The following PARD3B variants were observed in gnomAD, a reference collection of about 807,000 sequenced individuals.
The protein encoded by PARD3B is partitioning defective 3 homolog B.
A neutral mutation model predicts 130.2 loss-of-function variants in PARD3B; 103 were observed. That is an observed-to-expected ratio of 0.79 (90% CI 0.67 to 0.93). The LOEUF (loss-of-function observed/expected upper bound fraction) is 0.93, where lower values mean the gene tolerates loss of function less well. Among genes scored for constraint, PARD3B ranks in the 40% least tolerant of loss-of-function variants. PARD3B has a pLI of 0.00. For synonymous variants in PARD3B, 583 were observed against 553.2 expected, an observed-to-expected ratio of 1.05 and a Z score of -0.76; for missense variants, 1,609 against 1,499.2, an observed-to-expected ratio of 1.07 and a Z score of -1.21.
intron 2 of PARD3B, among the ~76,000 whole-genome samples, chr2:204,794,016 G>A (rs1398512088): frequency 1.3e-5 from 2 of 152,074 alleles, no homozygotes; most frequent in Non-Finnish European, 2.9e-5. Context: ...ATCTCAATAT[G>A]GATGTGTTCA....
In PARD3B at chr2:205,110,278, G is replaced by A. The variant is rs1021364804; in HGVS notation, c.594-3213G>A. 2.0e-5 allele frequency among the ~76,000 whole-genome samples: 3 copies of A among 152,204 alleles called. No homozygotes were observed. The South Asian group carries it at 6.2e-4, about 32-fold the overall frequency. On this transcript the variant is annotated intron_variant, in intron 5 of 22. Transcript: ENST00000406610. ...CTTCTATTGTATATTTTTCCCTCAA[G>A]CTTGAAGTCTTTCTTCTGGATGGAA... is the stretch of plus-strand genomic sequence containing the variant.
intron 21 of PARD3B, among the ~76,000 whole-genome samples, chr2:205,501,084 T>C (rs551999423): frequency 1.3e-5 from 2 of 152,296 alleles, no homozygotes; most frequent in South Asian, 4.1e-4. Flanking sequence ...TGATTCCCTC[T>C]AGTTCTTACA....
At chr2:205,179,773 A>C (rs2035685116) in intron 13 of PARD3B, among the ~76,000 whole-genome samples, 2 of 152,238 alleles carry the variant, frequency 1.3e-5, no homozygotes. Flanking sequence ...TAAATGGAAT[A>C]ATATCTCTGC....
chr2:205,411,536 A>C (rs769113102), intron 19 of PARD3B, among the ~76,000 whole-genome samples: 1 of 152,186 alleles, frequency 6.6e-6, no homozygotes, highest in Non-Finnish European at 1.5e-5. Flanking sequence ...TTTACGAAGC[A>C]CGCACTGGTT....
intron 19 of PARD3B, among the ~76,000 whole-genome samples, chr2:205,429,852 C>T (rs1180963789): frequency 6.6e-6 from 1 of 152,104 alleles, no homozygotes; most frequent in Non-Finnish European, 1.5e-5. Flanking sequence ...TTTCCAGAGG[C>T]TTTGAGAGAG....
At chr2:205,385,512 A>G (rs2045630659) in intron 18 of PARD3B, among the ~76,000 whole-genome samples, 1 of 152,158 alleles carries the variant, frequency 6.6e-6, no homozygotes, top group Non-Finnish European at 1.5e-5. Context: ...AAACACTGAT[A>G]ATCCGTATGT....
chr2:205,114,193 G>A (rs1387388047), intron 6 of PARD3B, among the ~76,000 whole-genome samples: 1 of 151,974 alleles, frequency 6.6e-6, no homozygotes, highest in African/African-American at 2.4e-5. Flanking sequence ...ATTGTAGATC[G>A]TATCAACACT....
intron 1 of PARD3B, among the ~76,000 whole-genome samples, chr2:204,602,160 C>T (rs1052846244): frequency 1.4e-4 from 21 of 151,994 alleles, no homozygotes; most frequent in African/African-American, 4.6e-4. Flanking sequence ...CTGTTTTGCA[C>T]AATGGAGCCA....
chr2:204,746,189 TTC>T (rs1166440311), intron 2 of PARD3B, among the ~76,000 whole-genome samples: 1 of 138,556 alleles, frequency 7.2e-6, no homozygotes, highest in Non-Finnish European at 1.5e-5. Context: ...TGACCAAGTG[TTC>T]TCATTGTTCA....
At chr2:204,779,606 G>A (rs1222288099) in intron 2 of PARD3B, among the ~76,000 whole-genome samples, 2 of 152,138 alleles carry the variant, frequency 1.3e-5, no homozygotes, top group Admixed American at 1.3e-4. Context: ...GTAATAACAT[G>A]GCTGGTAATC....
intron 2 of PARD3B, among the ~76,000 whole-genome samples, chr2:204,741,399 C>T (rs910653946): frequency 6.6e-5 from 10 of 152,086 alleles, no homozygotes; most frequent in African/African-American, 2.4e-4. Context: ...GACTTCATTT[C>T]CCCAAATCTT....
At chr2:205,049,425 A>G (rs1040817624) in intron 4 of PARD3B, among the ~76,000 whole-genome samples, 8 of 152,250 alleles carry the variant, frequency 5.3e-5, no homozygotes, top group African/African-American at 1.9e-4. Context: ...GCATGGGGGA[A>G]CTGTGCCCAT....
intron 1 of PARD3B, among the ~76,000 whole-genome samples, chr2:204,592,190 T>G (rs2033101849): frequency 6.6e-6 from 1 of 152,220 alleles, no homozygotes; most frequent in South Asian, 2.1e-4. Context: ...TTTAGGAAAC[T>G]AGAGTACTTT....
rs1553500370 is a variant in PARD3B at position 205,383,117 on chromosome 2, T to TAGATAGATAGATAGATAGATAGAG, written c.2631-17873_2631-17872insGAGATAGATAGATAGATAGATAGA. ...ATAGATAGATAGATAGATAGATAGA[T>TAGATAGATAGATAGATAGATAGAG]AGATAGATAGATAGATAGATAGATC... On this transcript the variant is annotated intron_variant, in intron 18 of 22. Transcript: ENST00000406610. Among the ~76,000 whole-genome samples the TAGATAGATAGATAGATAGATAGAG allele has an allele frequency of 3.4e-3, 514 of 149,890 alleles. 5 individuals are homozygous for TAGATAGATAGATAGATAGATAGAG. The highest frequency in any genetic ancestry group is 0.01 in the Middle Eastern group (3 of 288).
chr2:204,869,841 A>C lies in PARD3B; in HGVS notation c.223-95311A>C, dbSNP rs142671506. 5.9e-5 allele frequency among the ~76,000 whole-genome samples: 9 copies of C among 152,208 alleles called. 1 individual carries two copies. In the East Asian group the frequency reaches 1.7e-3, roughly 29 times the overall value. On this transcript the variant is annotated intron_variant, in intron 2 of 22. Coordinates refer to ENST00000406610, the MANE Select transcript of PARD3B (RefSeq NM_001302769.2). ...CAAGTGTTTTGGAATTGTTTTAAAG[A>C]TATGTGTCTGGTGTTTTTAATGTTT...
intron 4 of PARD3B, among the ~76,000 whole-genome samples, chr2:205,053,476 A>C (rs966725560): frequency 6.6e-6 from 1 of 151,900 alleles, no homozygotes; most frequent in Admixed American, 6.6e-5. Flanking sequence ...GTCTCTACTA[A>C]AAATACAAAA....
intron 1 of PARD3B, among the ~76,000 whole-genome samples, chr2:204,653,244 C>T (rs11688854): frequency 0.68 from 102,021 of 149,440 alleles, 38,226 homozygotes; most frequent in South Asian, 0.81. Flanking sequence ...ACATAACAAA[C>T]GTACACCTGT....
At chr2:205,430,971 A>G (rs925519829) in intron 19 of PARD3B, among the ~76,000 whole-genome samples, 28 of 152,278 alleles carry the variant, frequency 1.8e-4, no homozygotes, top group Non-Finnish European at 3.5e-4. Context: ...TAAAACATTC[A>G]TGATATTTTG....
intron 2 of PARD3B, among the ~76,000 whole-genome samples, chr2:204,813,750 C>A (rs1292065674): frequency 6.6e-6 from 1 of 152,144 alleles, no homozygotes; most frequent in Non-Finnish European, 1.5e-5. Flanking sequence ...TGCTTGAGAA[C>A]CATTTTCAAA....
Sources: allele counts gnomAD v4.1 joint callset (sites outside exome capture counted in the v4.1 genomes callset), GRCh38; gene constraint gnomAD v4.1.1; transcripts MANE v1.5; gene names NCBI Gene and HGNC (gene_info 2026-07-23, HGNC 2026-07-21).